The following EVI5L variants were observed in gnomAD, a reference collection of about 807,000 sequenced individuals.
The protein encoded by EVI5L is ecotropic viral integration site 5 like, also known as EVI5-like protein.
EVI5L carries 30 observed loss-of-function variants against 106.1 expected under a neutral mutation model. That is an observed-to-expected ratio of 0.28 (90% CI 0.21 to 0.38). The LOEUF (loss-of-function observed/expected upper bound fraction) is 0.38, where lower values mean the gene tolerates loss of function less well. EVI5L is among the 10% of genes least tolerant of loss of function. The probability of loss-of-function intolerance (pLI) is 1.00; values close to 1 mark genes in which losing one functional copy is unlikely to be tolerated. For synonymous variants in EVI5L, 489 were observed against 483.3 expected, an observed-to-expected ratio of 1.01 and a Z score of -0.15; for missense variants, 809 against 1,098.0, an observed-to-expected ratio of 0.74 and a Z score of 3.72.
Position 7,863,487 on chromosome 19 carries a change from G to T in EVI5L, c.2203G>T (p.Ala735Ser). The T allele has an allele frequency of 6.3e-7, 1 of 1,577,402 alleles. No individual in the cohort carries two copies. The part of the protein sequence containing the change: ...DPLAFDGLSL[A>S]RHLDEDSLPS... ...GCTGGCTTTCGATGGGCTGAGCCTGGCGCGGCACTTGGACGAGGACTCGCT... is the reference window on the plus strand; with the variant it reads ...GCTGGCTTTCGATGGGCTGAGCCTGTCGCGGCACTTGGACGAGGACTCGCT... The change falls in exon 20 of 20, where the codon GCG (alanine) becomes TCG (serine). Residue 735 changes from alanine to serine, a missense_variant. Physicochemically the swap from Ala to Ser is moderately conservative, Grantham distance 99. Around this residue, in one of 2 missense-constraint regions of EVI5L, gnomAD observed 452 missense variants for 509.9 expected, o/e 0.89. Coordinates refer to ENST00000538904, the MANE Select transcript of EVI5L (RefSeq NM_001159944.3). This position sits in a 1 kb window ranked among gnomAD's most constrained non-coding sequence, Gnocchi z 7.7.
chr19:7,842,943 C>G (rs181394560), intron 1 of EVI5L, among the ~76,000 whole-genome samples: 1 of 144,460 alleles, frequency 6.9e-6, no homozygotes, highest in East Asian at 2.1e-4. Flanking sequence ...GTGCGTGTAT[C>G]CGAATGTGTG....
chr19:7,844,331 CAAAAAAAA>C (rs71179149), intron 1 of EVI5L, among the ~76,000 whole-genome samples: 2 of 132,452 alleles, frequency 1.5e-5, no homozygotes, highest in East Asian at 2.3e-4. Context: ...GACTCCGTCT[CAAAAAAAA>C]AAAAAAAAAA....
At position 7,858,359 on chromosome 19, in the gene EVI5L, G is replaced by A. The variant is rs1395357907; in HGVS notation, c.1374+28G>A. ...AGGGGCGGGTGTGCGGGGCTGCTGG[G>A]CGGGGCCATGACCCGCGCCCCCGCC... On this transcript the variant is annotated intron_variant, in intron 13 of 19. Coordinates refer to ENST00000538904, the MANE Select transcript of EVI5L (RefSeq NM_001159944.3). The surrounding 1 kb of genome is among the most constrained non-coding windows in gnomAD (Gnocchi z 5.7). 1 of 1,533,720 alleles carries A rather than the reference G, an allele frequency of 6.5e-7. No individual in the cohort carries two copies. The highest frequency in any genetic ancestry group is 2.5e-5 in the East Asian group (1 of 40,738).
At chr19:7,853,491 T>A (rs1979365182) in intron 10 of EVI5L, 158 bp downstream of exon 10, 1 of 983,920 alleles carries the variant, frequency 1.0e-6, no homozygotes, top group Non-Finnish European at 1.5e-6. Flanking sequence ...GCGCCGTCCT[T>A]CACCTGTTAG....
chr19:7,858,098 C>T lies in EVI5L; in HGVS notation c.1234-93C>T, dbSNP rs1466572124. On this transcript the variant is annotated intron_variant, in intron 12 of 19. Coordinates refer to ENST00000538904, the MANE Select transcript of EVI5L (RefSeq NM_001159944.3). The surrounding 1 kb of genome is among the most constrained non-coding windows in gnomAD (Gnocchi z 5.7). ...CCCACCTCACTTCCCCCCACCTCCACTCTCTGGGCCTCCCCCTGTGGCGGG... is the reference window on the plus strand; with the variant it reads ...CCCACCTCACTTCCCCCCACCTCCATTCTCTGGGCCTCCCCCTGTGGCGGG... 8 of 1,468,132 alleles carry T rather than the reference C, an allele frequency of 5.4e-6. No individual in the cohort carries two copies. The highest frequency in any genetic ancestry group is 2.5e-5 in the East Asian group (1 of 40,178). 90.9% of individuals were successfully genotyped at this position (1,468,132 alleles called of 1,614,324 possible).
chr19:7,849,483 C>T (rs1422117031), intron 5 of EVI5L, among the ~76,000 whole-genome samples, 153 bp downstream of exon 5: 2 of 152,250 alleles, frequency 1.3e-5, no homozygotes, highest in Admixed American at 6.5e-5. Flanking sequence ...CTCTGCCAAT[C>T]GCCAGGCCAA....
intron 5 of EVI5L, 21 bp downstream of exon 5, chr19:7,849,351 T>C (rs982784093): frequency 6.2e-7 from 1 of 1,613,096 alleles, no homozygotes. Context: ...GGGGGGTGGC[T>C]GGGCTCCTGC....
chr19:7,863,327 C>G lies in EVI5L; in HGVS notation c.2139+47C>G, dbSNP rs1257054488. On this transcript the variant is annotated intron_variant, in intron 19 of 19. Transcript: ENST00000538904. The surrounding 1 kb of genome is among the most constrained non-coding windows in gnomAD (Gnocchi z 7.7). ...GGGGACAGGCCTGGGTGTCGTCGGC[C>G]TGGGACGAGCCGAGCGCAGGTGCCT... is the stretch of plus-strand genomic sequence containing the variant. 1 of 1,547,648 alleles carries G rather than the reference C, an allele frequency of 6.5e-7. No homozygotes were observed. Among genetic ancestry groups the G allele is most frequent in the South Asian group, 1.2e-5 (1 of 83,940 alleles).
Position 7,845,437 on chromosome 19 carries a change from G to A in EVI5L, c.-47-1059G>A, listed in dbSNP as rs543091190. Among the ~76,000 whole-genome samples, 1 of 152,338 alleles carries A rather than the reference G, an allele frequency of 6.6e-6. No individual in the cohort carries two copies. The highest frequency in any genetic ancestry group is 1.9e-4 in the East Asian group (1 of 5,182). On this transcript the variant is annotated intron_variant, in intron 1 of 19. Coordinates refer to ENST00000538904, the MANE Select transcript of EVI5L (RefSeq NM_001159944.3). This position sits in a 1 kb window ranked among gnomAD's most constrained non-coding sequence, Gnocchi z 4.0. Reference sequence around the variant, plus strand: ...GGCCACAGCAGAACCCAGGAGCCCTGGCTCCAGGATGGACAGTGATAGCCG... The same window carrying A: ...GGCCACAGCAGAACCCAGGAGCCCTAGCTCCAGGATGGACAGTGATAGCCG...
At chr19:7,831,871 T>A (rs1018292665) in intron 1 of EVI5L, among the ~76,000 whole-genome samples, 1 of 152,206 alleles carries the variant, frequency 6.6e-6, no homozygotes, top group Non-Finnish European at 1.5e-5. Context: ...CCACAACTAG[T>A]GTGTTTGGCC....
At chr19:7,860,763 G>C (rs759907917) in intron 14 of EVI5L, 74 bp downstream of exon 14, 24 of 1,463,580 alleles carry the variant, frequency 1.6e-5, no homozygotes, top group Non-Finnish European at 2.1e-5. Context: ...TAAGCTTTGG[G>C]AGTGACCCCA....
chr19:7,863,538 G>A lies in EVI5L; in HGVS notation c.2254G>A (p.Gly752Ser). The change falls in exon 20 of 20, where the codon GGC (glycine) becomes AGC (serine). Residue 752 changes from glycine to serine, a missense_variant. Physicochemically the swap from Gly to Ser is moderately conservative, Grantham distance 56. Transcript: ENST00000538904. The surrounding 1 kb of genome is among the most constrained non-coding windows in gnomAD (Gnocchi z 7.7). The stretch of plus-strand genomic sequence containing the variant: ...GCCGTCGTCGGACGAGGAGCTACTT[G>A]GCGTAGGCGTGGGCGCTGCCCTGCA... ...SLPSSDEELL[G>S]VGVGAALQDA... The A allele has an allele frequency of 6.3e-7, 1 of 1,599,268 alleles. No individual in the cohort carries two copies. The highest frequency in any genetic ancestry group is 8.5e-7 in the Non-Finnish European group (1 of 1,173,906).
chr19:7,840,585 C>A lies in EVI5L; in HGVS notation c.-47-5911C>A, dbSNP rs10419341. ...TAATTCTGGAACATTTCTATCACCC[C>A]AAAAAGAAACCTACACCCATAAGCA... On this transcript the variant is annotated intron_variant, in intron 1 of 19. Coordinates refer to ENST00000538904, the MANE Select transcript of EVI5L (RefSeq NM_001159944.3). Among the ~76,000 whole-genome samples the A allele has an allele frequency of 4.4e-3, 674 of 152,302 alleles. 6 individuals carry two copies. Among genetic ancestry groups the A allele is most frequent in the African/African-American group, 0.015 (644 of 41,568 alleles).
At chr19:7,839,165 TGGC>T (rs1450374521) in intron 1 of EVI5L, among the ~76,000 whole-genome samples, 33 of 151,740 alleles carry the variant, frequency 2.2e-4, no homozygotes, top group African/African-American at 7.7e-4. Flanking sequence ...TAGCCAGGCG[TGGC>T]GGTGGGTGCC....
intron 1 of EVI5L, among the ~76,000 whole-genome samples, chr19:7,831,263 A>G (rs1171282154): frequency 7.6e-6 from 1 of 131,922 alleles, no homozygotes; most frequent in East Asian, 2.4e-4. Context: ...ACACACACAC[A>G]CACACACACA....
In EVI5L at chr19:7,843,587, GGT is replaced by G. The variant is rs1203847496; in HGVS notation, c.-47-2902_-47-2901del. ...GTATGTGAGTGTGAGAATAGGCATG[GGT>G]GTGTGTCAAGTGTGTGTGTATAGGT... On this transcript the variant is annotated intron_variant, in intron 1 of 19. Transcript: ENST00000538904. 6.4e-5 allele frequency among the ~76,000 whole-genome samples: 9 copies of G among 140,376 alleles called. 1 individual carries two copies. Among genetic ancestry groups the G allele is most frequent in the South Asian group, 2.3e-4 (1 of 4,314 alleles). 92.1% of individuals were successfully genotyped at this position (140,376 alleles called of 152,430 possible). A position where few individuals can be genotyped will look rare whatever the true frequency, so the allele number is the denominator to read the frequency against.
intron 13 of EVI5L, 109 bp from the exon 14 acceptor site, chr19:7,860,452 C>T: frequency 1.0e-6 from 1 of 976,766 alleles, no homozygotes; most frequent in Non-Finnish European, 1.5e-6. Flanking sequence ...GCCTGGGCCC[C>T]TCTCCCTGCT....
In EVI5L at chr19:7,845,604, G is replaced by A. The variant is rs547850288; in HGVS notation, c.-47-892G>A. 6.6e-6 allele frequency among the ~76,000 whole-genome samples: 1 copy of A among 152,316 alleles called. No individual in the cohort carries two copies. Among genetic ancestry groups the A allele is most frequent in the East Asian group, 1.9e-4 (1 of 5,182 alleles). On this transcript the variant is annotated intron_variant, in intron 1 of 19. Coordinates refer to ENST00000538904, the MANE Select transcript of EVI5L (RefSeq NM_001159944.3). The surrounding 1 kb of genome is among the most constrained non-coding windows in gnomAD (Gnocchi z 4.0). The stretch of plus-strand genomic sequence containing the variant: ...GAGGCTCAGAGACACCAAGTGACTG[G>A]CCCAAGGTCACACAGCTGGTTGAGG...
At chr19:7,852,655 G>A (rs897683835) in intron 8 of EVI5L, among the ~76,000 whole-genome samples, 2 of 151,602 alleles carry the variant, frequency 1.3e-5, no homozygotes, top group Admixed American at 6.6e-5. Flanking sequence ...GGGCTGAAGC[G>A]ATCCTCCCGC....
Sources: allele counts gnomAD v4.1 joint callset (sites outside exome capture counted in the v4.1 genomes callset), GRCh38; gene constraint gnomAD v4.1.1; regional missense constraint gnomAD v4.1.1; non-coding constraint Gnocchi (gnomAD v3.1); transcripts MANE v1.5; gene names NCBI Gene and HGNC (gene_info 2026-07-23, HGNC 2026-07-21).